The following FNBP1 variants were observed in gnomAD, a reference collection of about 807,000 sequenced individuals.
FNBP1 encodes the protein formin-binding protein 1.
Under a neutral mutation model 90.6 loss-of-function variants are expected in FNBP1, and 26 were observed. The observed-to-expected ratio is 0.29, with a 90% confidence interval of 0.21 to 0.40. The LOEUF is 0.40. FNBP1 is among the 10% of genes least tolerant of loss of function. FNBP1 has a pLI of 1.00. For synonymous variants in FNBP1, 260 were observed against 265.2 expected (o/e 0.98, Z 0.19); for missense variants, 635 against 768.0 (o/e 0.83, Z 2.05).
At chr9:130,012,774 A>G (rs1197196137) in intron 1 of FNBP1, among the ~76,000 whole-genome samples, 1 of 152,002 alleles carries the variant, frequency 6.6e-6, no homozygotes, top group Non-Finnish European at 1.5e-5. Context: ...CAAGTAGCTG[A>G]GAATACAGGC....
intron 10 of FNBP1, chr9:129,919,257 C>G: frequency 8.2e-7 from 1 of 1,219,918 alleles, no homozygotes; most frequent in Non-Finnish European, 1.1e-6. Flanking sequence ...CAATAACCAG[C>G]AAGAGAACAA....
chr9:130,038,554 G>A (rs911812110), intron 1 of FNBP1, among the ~76,000 whole-genome samples: 11 of 151,492 alleles, frequency 7.3e-5, no homozygotes, highest in Non-Finnish European at 1.2e-4. Context: ...GGACCACCAC[G>A]CCCGGCTAAT....
chr9:129,948,886 G>A (rs532159293), intron 6 of FNBP1, among the ~76,000 whole-genome samples: 385 of 151,934 alleles, frequency 2.5e-3, no homozygotes, highest in South Asian at 4.4e-3. Flanking sequence ...ACCTCAAGGG[G>A]TTAAGAGTAA....
intron 1 of FNBP1, among the ~76,000 whole-genome samples, chr9:130,038,398 TC>T (rs1425634399): frequency 2.3e-5 from 3 of 129,210 alleles, no homozygotes; most frequent in African/African-American, 8.4e-5. Context: ...CACAGGTGGC[TC>T]TTTTTTTTTT....
At chr9:130,001,428 C>T (rs2054835543) in intron 1 of FNBP1, among the ~76,000 whole-genome samples, 1 of 152,068 alleles carries the variant, frequency 6.6e-6, no homozygotes, top group East Asian at 1.9e-4. Context: ...CTTTACCCAC[C>T]ATTTCCTTTG....
At chr9:129,935,621 GGGACTA>G (rs2043316978) in intron 6 of FNBP1, among the ~76,000 whole-genome samples, 2 of 152,086 alleles carry the variant, frequency 1.3e-5, no homozygotes, top group African/African-American at 4.8e-5. Flanking sequence ...CTGAGTAGCT[GGGACTA>G]CAGGTGCCTA....
chr9:129,887,458 A>G lies in FNBP1; in HGVS notation c.*3081T>C. ...AAAAGTTTTTGGATGATATAAGCAC[A>G]GGAGGCAGAGCCAATAAGAAACATG... On this transcript the variant is annotated 3_prime_UTR_variant, in exon 17 of 17. Transcript: ENST00000446176. 5.0e-6 allele frequency: 1 copy of G among 201,608 alleles called. No individual in the cohort carries two copies. Among genetic ancestry groups the G allele is most frequent in the African/African-American group, 2.3e-5 (1 of 43,660 alleles). The allele number at this position is 201,608 out of a possible 1,614,324, so 12.5% of individuals were successfully genotyped here. A position where few individuals can be genotyped will look rare whatever the true frequency, so the allele number is the denominator to read the frequency against.
intron 12 of FNBP1, among the ~76,000 whole-genome samples, chr9:129,903,473 T>C (rs759625887): frequency 6.6e-6 from 1 of 152,072 alleles, no homozygotes; most frequent in Admixed American, 6.6e-5. Context: ...AAATTCTCTA[T>C]AGGAATTCTG....
In FNBP1 at chr9:130,011,215, C is replaced by CAAAAAA. The variant is rs1192541205; in HGVS notation, c.25-16263_25-16258dup. Among the ~76,000 whole-genome samples, 9 of 13,416 alleles carry CAAAAAA rather than the reference C, an allele frequency of 6.7e-4. 1 individual carries two copies. Among genetic ancestry groups the CAAAAAA allele is most frequent in the Admixed American group, 1.7e-3 (1 of 604 alleles). 8.8% of individuals were successfully genotyped at this position (13,416 alleles called of 152,430 possible). On this transcript the variant is annotated intron_variant, in intron 1 of 16. Coordinates refer to ENST00000446176, the MANE Select transcript of FNBP1 (RefSeq NM_015033.3). ...TGGGTGACAGAGTGAGACTCCATCT[C>CAAAAAA]AAAAAAAAAAAAAAAAAAAAAAAAA...
rs1273836183 is a variant in FNBP1 at position 129,970,107 on chromosome 9, A to G, written c.345+8358T>C. Among the ~76,000 whole-genome samples the G allele has an allele frequency of 1.3e-5, 2 of 150,874 alleles. 1 individual carries two copies. Among genetic ancestry groups the G allele is most frequent in the East Asian group, 3.9e-4 (2 of 5,134 alleles). ...TTTTTAGTAGAGACAGGGTTTCACCATATTAGCTAAGATGGTCTCGATCTC... is the reference window on the plus strand; with the variant it reads ...TTTTTAGTAGAGACAGGGTTTCACCGTATTAGCTAAGATGGTCTCGATCTC... On this transcript the variant is annotated intron_variant, in intron 4 of 16. Coordinates refer to ENST00000446176, the MANE Select transcript of FNBP1 (RefSeq NM_015033.3).
chr9:130,047,257 G>A (rs1438918403), upstream of FNBP1, among the ~76,000 whole-genome samples: 4 of 152,170 alleles, frequency 2.6e-5, no homozygotes, highest in African/African-American at 7.2e-5. Context: ...TAATTACTTG[G>A]TTGGTGGTGG....
intron 2 of FNBP1, among the ~76,000 whole-genome samples, chr9:129,989,432 GCTGGCTAAATAT>G (rs2052778927): frequency 6.6e-6 from 1 of 152,112 alleles, no homozygotes; most frequent in African/African-American, 2.4e-5. Context: ...ATAAAGCAAA[GCTGGCTAAATAT>G]CTTAGGCCTG....
chr9:129,990,866 T>G (rs901456192), intron 2 of FNBP1, among the ~76,000 whole-genome samples: 1 of 151,238 alleles, frequency 6.6e-6, no homozygotes, highest in African/African-American at 2.4e-5. Context: ...GATTTCCTGA[T>G]GGCTTGAGCT....
chr9:130,053,257 T>G, the FNBP1 span, among the ~76,000 whole-genome samples: 2,485 of 152,280 alleles, frequency 0.016, 28 homozygotes, highest in East Asian at 0.03. Context: ...AGCTTCCGTG[T>G]GATTCCCAGC....
chr9:129,906,851 C>T (rs972430135), intron 12 of FNBP1, among the ~76,000 whole-genome samples: 5 of 152,042 alleles, frequency 3.3e-5, no homozygotes, highest in Admixed American at 3.3e-4. Context: ...ACAGTCTTGG[C>T]TCACTGCAAC....
the FNBP1 span, among the ~76,000 whole-genome samples, chr9:130,049,615 C>T: frequency 1.3e-5 from 2 of 151,316 alleles, no homozygotes; most frequent in East Asian, 1.9e-4. Flanking sequence ...GCAGTAGGAT[C>T]GCTTGAGCCT....
chr9:129,981,716 C>T lies in FNBP1; in HGVS notation c.141-2342G>A, dbSNP rs183451359. ...GGACAGCATGACCTCAGCAAATGAG[C>T]CAGTCTGTGCTTCCCATTCCTAATG... On this transcript the variant is annotated intron_variant, in intron 2 of 16. Transcript: ENST00000446176. Among the ~76,000 whole-genome samples, 376 of 152,136 alleles carry T rather than the reference C, an allele frequency of 2.5e-3. 1 individual carries two copies. Among genetic ancestry groups the T allele is most frequent in the Non-Finnish European group, 4.6e-3 (310 of 68,004 alleles).
intron 1 of FNBP1, among the ~76,000 whole-genome samples, chr9:130,020,266 A>G (rs1230017523): frequency 6.6e-6 from 1 of 152,092 alleles, no homozygotes; most frequent in Non-Finnish European, 1.5e-5. Flanking sequence ...GGAGTGCTGT[A>G]GCGCGACCTT....
At chr9:129,965,939 T>G (rs1479722653) in intron 4 of FNBP1, among the ~76,000 whole-genome samples, 2 of 152,096 alleles carry the variant, frequency 1.3e-5, no homozygotes, top group Non-Finnish European at 2.9e-5. Flanking sequence ...AAGCTGTTAC[T>G]TGCAGCATCT....
Sources: allele counts gnomAD v4.1 joint callset (sites outside exome capture counted in the v4.1 genomes callset), GRCh38; gene constraint gnomAD v4.1.1; transcripts MANE v1.5; gene names NCBI Gene and HGNC (gene_info 2026-07-23, HGNC 2026-07-21).